The following HSD17B6 variants were observed in gnomAD, a reference collection of about 807,000 sequenced individuals.
HSD17B6 encodes the protein hydroxysteroid 17-beta dehydrogenase 6.
Under a neutral mutation model 26.4 loss-of-function variants are expected in HSD17B6, and 16 were observed. The observed-to-expected ratio is 0.61, with a 90% confidence interval of 0.41 to 0.92. HSD17B6 has a LOEUF of 0.92. HSD17B6 is among the 40% of genes least tolerant of loss of function. The pLI is 0.00. For missense variants in HSD17B6, 357 were observed against 386.1 expected (o/e 0.92, Z 0.63); for synonymous variants, 139 against 153.0 (o/e 0.91, Z 0.68).
chr12:56,785,781 A>G (rs773354504), intron 4 of HSD17B6: 2 of 170,676 alleles, frequency 1.2e-5, no homozygotes, highest in Non-Finnish European at 2.4e-5. Context: ...GGGCTTGTCC[A>G]CAAACTATGT....
At position 56,784,853 on chromosome 12, in the gene HSD17B6, G is replaced by T. The variant is rs1339808775; in HGVS notation, c.573G>T (p.Arg191Ser). The T allele has an allele frequency of 2.5e-6, 4 of 1,612,796 alleles. No homozygotes were observed. In the African/African-American group the frequency reaches 4.0e-5, roughly 16 times the overall value. Reference sequence around the variant, plus strand: ...CATAACTTGTGGGGTTTTATTTCAGGCGTGAGATTCAACATTTTGGGGTGA... The same window carrying T: ...CATAACTTGTGGGGTTTTATTTCAGTCGTGAGATTCAACATTTTGGGGTGA... The part of the protein sequence containing the change: ...YGVEAFSDIL[R>S]REIQHFGVKI... The change falls in exon 4 of 5, where the codon AGG becomes AGT. Residue 191 changes from arginine to serine, a missense_variant and splice_region_variant. Physicochemically the swap from Arg to Ser is moderately radical, Grantham distance 110 (BLOSUM62 -1). Transcript: ENST00000322165.
At chr12:56,767,159 G>GT (rs1954347343) in intron 1 of HSD17B6, among the ~76,000 whole-genome samples, 1 of 152,052 alleles carries the variant, frequency 6.6e-6, no homozygotes, top group Non-Finnish European at 1.5e-5. Flanking sequence ...CCTTGGAAAA[G>GT]TCACTTAATT....
chr12:56,763,772 CT>C (rs1954257477), intron 1 of HSD17B6, among the ~76,000 whole-genome samples: 3 of 151,742 alleles, frequency 2.0e-5, no homozygotes, highest in South Asian at 4.2e-4. Flanking sequence ...GTTTGTGAAA[CT>C]TTGGGTAAGC....
At chr12:56,770,566 A>G (rs1954447936) in intron 1 of HSD17B6, 1 of 151,614 alleles carries the variant, frequency 6.6e-6, no homozygotes, top group Non-Finnish European at 1.5e-5. Context: ...TTTTCTCTCA[A>G]TTTTTTATCA....
chr12:56,778,513 G>T (rs1374921239), intron 2 of HSD17B6, among the ~76,000 whole-genome samples: 1 of 151,900 alleles, frequency 6.6e-6, no homozygotes, highest in Admixed American at 6.6e-5. Context: ...GTGACCTCAG[G>T]TGATCCGCCC....
At chr12:56,766,216 C>G (rs1384407496) in intron 1 of HSD17B6, among the ~76,000 whole-genome samples, 1 of 152,042 alleles carries the variant, frequency 6.6e-6, no homozygotes, top group East Asian at 1.9e-4. Flanking sequence ...TTTGCTGACT[C>G]TCTTTTCGGA....
At chr12:56,780,429 G>T (rs142321088) in intron 2 of HSD17B6, among the ~76,000 whole-genome samples, 1 of 152,162 alleles carries the variant, frequency 6.6e-6, no homozygotes, top group South Asian at 2.1e-4. Flanking sequence ...TTGCCCTGGC[G>T]TGCTTATACT....
At chr12:56,782,277 G>A (rs371459084) in intron 3 of HSD17B6, 45 bp downstream of exon 3, 2 of 1,580,540 alleles carry the variant, frequency 1.3e-6, no homozygotes, top group African/African-American at 2.7e-5. Context: ...ACTGAAATAT[G>A]TCTTAGGCAT....
rs1309824618 is a variant in HSD17B6 at position 56,776,078 on chromosome 12, A to G, written c.313+1913A>G. 2.6e-5 allele frequency among the ~76,000 whole-genome samples: 4 copies of G among 151,172 alleles called. No individual in the cohort carries two copies. The East Asian group carries it at 7.9e-4, about 30-fold the overall frequency. ...GTAGCTGGCACTACAAGCATGCACC[A>G]CCATACCGGGCTAATTTTTATATTT... On this transcript the variant is annotated intron_variant, in intron 2 of 4. Coordinates refer to ENST00000322165, the MANE Select transcript of HSD17B6 (RefSeq NM_003725.4).
intron 2 of HSD17B6, among the ~76,000 whole-genome samples, chr12:56,779,382 A>T (rs1347831039): frequency 6.6e-6 from 1 of 152,078 alleles, no homozygotes; most frequent in African/African-American, 2.4e-5. Flanking sequence ...AAGTGATCTT[A>T]ATGCCTCAGC....
intron 1 of HSD17B6, among the ~76,000 whole-genome samples, 153 bp from the exon 2 acceptor site, chr12:56,773,681 C>T (rs895722947): frequency 2.0e-5 from 3 of 152,200 alleles, no homozygotes; most frequent in Admixed American, 6.5e-5. Flanking sequence ...ACTGACTTCC[C>T]TCTCTAGACT....
rs1481496266 is a variant in HSD17B6 at position 56,787,679 on chromosome 12, T to A, written c.*337T>A. 1 of 237,990 alleles carries A rather than the reference T, an allele frequency of 4.2e-6. No homozygotes were observed. Among genetic ancestry groups the A allele is most frequent in the Non-Finnish European group, 8.2e-6 (1 of 121,514 alleles). The allele number at this position is 237,990 out of a possible 1,614,324, so 14.7% of individuals were successfully genotyped here. ...GAATATGAATAATTGTTCTATGCTT[T>A]AATAATCTATTGTGAGGAAACTACT... On this transcript the variant is annotated 3_prime_UTR_variant, in exon 5 of 5. Transcript: ENST00000322165.
chr12:56,772,629 G>A (rs12227117), intron 1 of HSD17B6, among the ~76,000 whole-genome samples: 30,809 of 150,800 alleles, frequency 0.2, 3,699 homozygotes, highest in Middle Eastern at 0.28. Context: ...CCCAGGAGGC[G>A]GAGGTTGCAG....
At chr12:56,777,434 C>T (rs947354642) in intron 2 of HSD17B6, among the ~76,000 whole-genome samples, 24 of 148,320 alleles carry the variant, frequency 1.6e-4, no homozygotes, top group South Asian at 6.3e-4. Context: ...GCATGATCTC[C>T]GCTCACTGCA....
At position 56,776,359 on chromosome 12, in the gene HSD17B6, C is replaced by T. The variant is rs943545723; in HGVS notation, c.313+2194C>T. On this transcript the variant is annotated intron_variant, in intron 2 of 4. Coordinates refer to ENST00000322165, the MANE Select transcript of HSD17B6 (RefSeq NM_003725.4). ...TTGCTCTGTTGCCCAGGCCTGAGTG[C>T]AGTGGAATGATCATGGCCCACTGCA... Among the ~76,000 whole-genome samples, 4 of 138,360 alleles carry T rather than the reference C, an allele frequency of 2.9e-5. No individual in the cohort carries two copies. The Admixed American group carries it at 3.0e-4, about 11-fold the overall frequency. The allele number at this position is 138,360 out of a possible 152,430, so 90.8% of individuals were successfully genotyped here. A position where few individuals can be genotyped will look rare whatever the true frequency, so the allele number is the denominator to read the frequency against.
At chr12:56,764,474 CT>C (rs1324095509) in intron 1 of HSD17B6, among the ~76,000 whole-genome samples, 13 of 152,112 alleles carry the variant, frequency 8.5e-5, no homozygotes, top group Admixed American at 1.3e-4. Context: ...GTTATGCATA[CT>C]GTAGAAAAGT....
intron 4 of HSD17B6, among the ~76,000 whole-genome samples, chr12:56,786,692 A>T (rs12317442): frequency 0.039 from 6,007 of 152,262 alleles, 408 homozygotes; most frequent in African/African-American, 0.14. Flanking sequence ...TCTACAAAAA[A>T]TAAACAAAAT....
chr12:56,772,227 T>C (rs1404510553), intron 1 of HSD17B6, among the ~76,000 whole-genome samples: 1 of 152,224 alleles, frequency 6.6e-6, no homozygotes, highest in Non-Finnish European at 1.5e-5. Context: ...CTCCTGTTTT[T>C]ACTTCTGTTA....
At position 56,774,009 on chromosome 12, in the gene HSD17B6, G is replaced by A; in HGVS notation, c.157G>A (p.Gly53Ser). ...NLLARQLDARGLRVLAACLTE... is the reference protein window; with the variant it reads ...NLLARQLDARSLRVLAACLTE... ...GCTGGCCAGACAGCTGGATGCACGA[G>A]GCTTGAGAGTGCTGGCTGCGTGTCT... Residue 53 changes from glycine (G) to serine (S), a missense_variant, in exon 2 of 5, where the codon GGC becomes AGC. Coordinates refer to ENST00000322165, the MANE Select transcript of HSD17B6 (RefSeq NM_003725.4). The A allele has an allele frequency of 1.9e-6, 3 of 1,614,166 alleles. No homozygotes were observed. The highest frequency in any genetic ancestry group is 2.5e-6 in the Non-Finnish European group (3 of 1,180,028).
Sources: allele counts gnomAD v4.1 joint callset (sites outside exome capture counted in the v4.1 genomes callset), GRCh38; gene constraint gnomAD v4.1.1; transcripts MANE v1.5; gene names NCBI Gene and HGNC (gene_info 2026-07-23, HGNC 2026-07-21).